Variants in TTN observed in about 807,000 individuals in gnomAD.
TTN encodes connectin.
TTN carries 1,525 observed loss-of-function variants against 3,223.0 expected under a neutral mutation model. The observed-to-expected ratio is 0.47, with a 90% CI of 0.45 to 0.49. TTN has a LOEUF of 0.49. Ranked by LOEUF, TTN falls within the 20% of genes least tolerant of loss-of-function variation. TTN has a pLI of 0.00. For synonymous variants in TTN, 14,094 were observed against 15,161.0 expected (o/e 0.93, Z 5.17); for missense variants, 40,786 against 43,424.0 (o/e 0.94, Z 5.40).
Position 178,624,512 on chromosome 2 carries a change from G to C in TTN, c.44768C>G (p.Thr14923Ser), listed in dbSNP as rs760857643. ...AGTCTTAAAATCCTTAGCATCACAA[G>C]TGTATGTTTTAATATCCTCTGGGGT... is the stretch of plus-strand genomic sequence containing the variant. The part of the protein sequence containing the change: ...DCTPEDIKTY[T>S]CDAKDFKTSC... Residue 14923 changes from threonine (T) to serine (S), a missense_variant, in exon 242 of 363, where the codon ACT (threonine) becomes AGT (serine). Transcript: ENST00000589042. 1.2e-6 allele frequency: 2 copies of C among 1,612,702 alleles called. No individual in the cohort carries two copies. Among genetic ancestry groups the C allele is most frequent in the Non-Finnish European group, 1.7e-6 (2 of 1,179,106 alleles).
Position 178,593,724 on chromosome 2 carries a change from C to A in TTN, c.58576G>T (p.Val19526Phe), listed in dbSNP as rs377682563. ...IIEKKEVGKD[V>F]WMPVTSASAK... ...CTTGCAGATGTCACTGGCATCCAGA[C>A]GTCTTTACCCACTTCCTTCTTCTCA... Residue 19526 changes from valine to phenylalanine, a missense_variant, in exon 298 of 363, where the codon GTC becomes TTC. Val to Phe is a conservative substitution (Grantham distance 50, BLOSUM62 -1). Coordinates refer to ENST00000589042, the MANE Select transcript of TTN (RefSeq NM_001267550.2). The A allele has an allele frequency of 6.2e-7, 1 of 1,613,314 alleles. No homozygotes were observed. Among genetic ancestry groups the A allele is most frequent in the East Asian group, 2.2e-5 (1 of 44,720 alleles).
Position 178,611,963 on chromosome 2 carries a change from A to G in TTN, c.50355-9T>C, listed in dbSNP as rs1377285836. ...TCTTCTCAATGACATATCTATTGAAACAACAAAGCATTTCATTAGCATTAA... is the reference window on the plus strand; with the variant it reads ...TCTTCTCAATGACATATCTATTGAAGCAACAAAGCATTTCATTAGCATTAA... On this transcript the variant is annotated splice_polypyrimidine_tract_variant and intron_variant, in intron 267 of 362. Coordinates refer to ENST00000589042, the MANE Select transcript of TTN (RefSeq NM_001267550.2). 6.2e-7 allele frequency: 1 copy of G among 1,608,384 alleles called. No homozygotes were observed.
intron 55 of TTN, 42 bp from the exon 56 acceptor site, chr2:178,732,760 G>T: frequency 6.4e-7 from 1 of 1,563,440 alleles, no homozygotes; most frequent in African/African-American, 1.4e-5. Flanking sequence ...GAGTTAAGAG[G>T]GTTGATCTAA....
chr2:178,632,425 A>G lies in TTN; in HGVS notation c.43481-12T>C, dbSNP rs746193389. 1.9e-6 allele frequency: 3 copies of G among 1,573,514 alleles called. No individual in the cohort carries two copies. Among genetic ancestry groups the G allele is most frequent in the Non-Finnish European group, 1.7e-6 (2 of 1,165,074 alleles). On this transcript the variant is annotated splice_polypyrimidine_tract_variant and intron_variant, in intron 235 of 362. Transcript: ENST00000589042. ...TTTGAGCCGGATTCCTATCAAGAAA[A>G]AAAAGAAAGAACTTATTAATTGAAG...
In TTN at chr2:178,620,632, T is replaced by C; in HGVS notation, c.45896-7A>G. On this transcript the variant is annotated splice_polypyrimidine_tract_variant and splice_region_variant and intron_variant, in intron 247 of 362. Coordinates refer to ENST00000589042, the MANE Select transcript of TTN (RefSeq NM_001267550.2). ...ACAATCCTAAGGTCTTCCTCTGTTG[T>C]AAAGGAGAAAAATATGTTGATTTTA... 2 of 1,603,204 alleles carry C rather than the reference T, an allele frequency of 1.2e-6. No individual in the cohort carries two copies. The highest frequency in any genetic ancestry group is 1.7e-6 in the Non-Finnish European group (2 of 1,176,968).
chr2:178,773,022 C>T, intron 33 of TTN, 87 bp downstream of exon 33: 2 of 1,574,922 alleles, frequency 1.3e-6, no homozygotes, highest in South Asian at 1.1e-5. Flanking sequence ...AAGTGGGAAA[C>T]TGAAAGGAAT....
rs1001957031 is a variant in TTN, at chr2:178,557,715, C to T, written c.87639G>A (p.Lys29213=). ...TTGEEYQFRI[K]AENRFGISDH... is the part of the protein sequence containing the mutation. The stretch of plus-strand genomic sequence containing the variant: ...CACTGATGCCAAAGCGGTTTTCTGC[C>T]TTGATGCGGAATTGGTATTCTTCTC... Residue 29213 remains lysine, a synonymous_variant, in exon 328 of 363, where the codon AAG becomes AAA. Coordinates refer to ENST00000589042, the MANE Select transcript of TTN (RefSeq NM_001267550.2). 5.6e-6 allele frequency: 9 copies of T among 1,613,924 alleles called. No homozygotes were observed. The highest frequency in any genetic ancestry group is 7.6e-6 in the Non-Finnish European group (9 of 1,179,854).
rs765869562 is a variant in TTN at position 178,608,920 on chromosome 2, G to C, written c.52103-12C>G. 59 of 1,600,778 alleles carry C rather than the reference G, an allele frequency of 3.7e-5. No individual in the cohort carries two copies. Among genetic ancestry groups the C allele is most frequent in the Non-Finnish European group, 4.9e-5 (58 of 1,177,538 alleles). On this transcript the variant is annotated splice_polypyrimidine_tract_variant and intron_variant, in intron 273 of 362. Transcript: ENST00000589042. ...TGGTCCCGGTGTATCTAATATTTCA[G>C]AAGAGAACAGTAATCAAAAATTTGT...
At chr2:178,774,886 T>G (rs1276657656) in intron 29 of TTN, 35 bp downstream of exon 29, 4 of 1,612,468 alleles carry the variant, frequency 2.5e-6, no homozygotes, top group Non-Finnish European at 3.4e-6. Context: ...ACTTTAGAGC[T>G]TAGGTAAACA....
Position 178,554,616 on chromosome 2 carries a change from G to T in TTN, c.88731C>A (p.Ser29577Arg). ...CAGACACCATAGACCACACAACGCGGCTTGTCTCACGCTTTTCCACAATGT... is the reference window on the plus strand; with the variant it reads ...CAGACACCATAGACCACACAACGCGTCTTGTCTCACGCTTTTCCACAATGT... ...THYIVEKRET[S>R]RVVWSMVSEH... Residue 29577 changes from serine to arginine, a missense_variant, in exon 332 of 363, where the codon AGC becomes AGA. Transcript: ENST00000589042. 6.2e-7 allele frequency: 1 copy of T among 1,613,868 alleles called. No homozygotes were observed. Among genetic ancestry groups the T allele is most frequent in the East Asian group, 2.2e-5 (1 of 44,854 alleles).
At position 178,799,836 on chromosome 2, in the gene TTN, G is replaced by A. The variant is rs748313513; in HGVS notation, c.658C>T (p.Arg220Ter). 1.2e-6 allele frequency: 2 copies of A among 1,614,066 alleles called. No homozygotes were observed. Among genetic ancestry groups the A allele is most frequent in the Non-Finnish European group, 1.7e-6 (2 of 1,180,018 alleles). The change falls in exon 5 of 363, where the codon CGA (arginine) becomes TGA (stop). Residue 220 changes from arginine (R) to a stop codon, truncating the protein, a stop_gained. Coordinates refer to ENST00000589042, the MANE Select transcript of TTN (RefSeq NM_001267550.2). LOFTEE classifies it high-confidence loss of function. ...TAQISESRQT[R>*]IEKKIEAHFD... ...GTATAGAAAAATACCTTTTCAATTC[G>A]GGTTTGTCTTGATTCTGAGATCTGA...
In TTN at chr2:178,591,181, G is replaced by A; in HGVS notation, c.60544C>T (p.Leu20182=). The A allele has an allele frequency of 6.2e-7, 1 of 1,613,358 alleles. No individual in the cohort carries two copies. The highest frequency in any genetic ancestry group is 8.5e-7 in the Non-Finnish European group (1 of 1,179,548). ...GTCATGTGTTCAGGAGTAACATCCA[G>A]AATATTAATAGGACCTGTTGGTGGC... ...PGPPTGPINI[L]DVTPEHMTIS... The change falls in exon 304 of 363, where the codon CTG becomes TTG. Residue 20182 remains leucine (L), a synonymous_variant. Transcript: ENST00000589042.
Position 178,793,521 on chromosome 2 carries a change from C to T in TTN, c.1419G>A (p.Lys473=), listed in dbSNP as rs1462188062. 1 of 1,613,842 alleles carries T rather than the reference C, an allele frequency of 6.2e-7. No homozygotes were observed. Among genetic ancestry groups the T allele is most frequent in the Non-Finnish European group, 8.5e-7 (1 of 1,180,016 alleles). Residue 473 remains lysine, a synonymous_variant, in exon 9 of 363, where the codon AAG becomes AAA. Transcript: ENST00000589042. ...AQEQVRKEAE[K]TAVTKVVVAA... is the part of the protein sequence containing the mutation. ...CCACTACTACCTTAGTTACAGCAGT[C>T]TTCTCCGCTTCCTTTCTTACCTGCT...
chr2:178,529,076 C>T lies in TTN; in HGVS notation c.106675G>A (p.Glu35559Lys). The stretch of plus-strand genomic sequence containing the variant: ...GCTTCCTCTTTGAGGGCTAACTTTT[C>T]TTGAGATTTTGCCTCTGACATCTTA... ...EIKMSEAKSQEKLALKEEASK... is the reference protein window; with the variant it reads ...EIKMSEAKSQKKLALKEEASK... The change falls in exon 360 of 363, where the codon GAA becomes AAA. Residue 35559 changes from glutamate (E) to lysine (K), a missense_variant. Glu to Lys is a moderately conservative substitution (Grantham distance 56). Transcript: ENST00000589042. The T allele has an allele frequency of 6.2e-7, 1 of 1,613,336 alleles. No homozygotes were observed. The highest frequency in any genetic ancestry group is 8.5e-7 in the Non-Finnish European group (1 of 1,179,650).
intron 344 of TTN, 98 bp downstream of exon 344, chr2:178,545,286 CCATT>C (rs1301430774): frequency 2.3e-5 from 26 of 1,129,954 alleles, no homozygotes; most frequent in African/African-American, 7.8e-5. Flanking sequence ...CTTTTCTAGA[CCATT>C]CATAAATTCT....
Position 178,608,319 on chromosome 2 carries a change from T to G in TTN, c.52564A>C (p.Ser17522Arg). Residue 17522 changes from serine to arginine, a missense_variant, in exon 275 of 363, where the codon AGC becomes CGC. Transcript: ENST00000589042. ...TTGGCTTTCAAGGCATTCAGAAGGCTTTTGTTGACACGAGACCAATGTGTA... is the reference window on the plus strand; with the variant it reads ...TTGGCTTTCAAGGCATTCAGAAGGCGTTTGTTGACACGAGACCAATGTGTA... The part of the protein sequence containing the change: ...NSTHWSRVNK[S>R]LLNALKANVD... 6.2e-7 allele frequency: 1 copy of G among 1,612,476 alleles called. No individual in the cohort carries two copies. Among genetic ancestry groups the G allele is most frequent in the Non-Finnish European group, 8.5e-7 (1 of 1,179,180 alleles).
intron 109 of TTN, 115 bp from the exon 110 acceptor site, chr2:178,701,702 A>G: frequency 9.8e-7 from 1 of 1,018,072 alleles, no homozygotes; most frequent in Non-Finnish European, 1.5e-6. Context: ...CTAATGGCAG[A>G]ATCTAATATA....
intron 13 of TTN, 100 bp from the exon 14 acceptor site, chr2:178,786,241 G>A (rs1321833538): frequency 4.7e-6 from 6 of 1,264,652 alleles, no homozygotes; most frequent in South Asian, 1.3e-5. Context: ...ACATTATACA[G>A]CAGTGTTAAC....
At position 178,621,736 on chromosome 2, in the gene TTN, C is replaced by G. The variant is rs794729434; in HGVS notation, c.45088G>C (p.Glu15030Gln). 1.1e-5 allele frequency: 17 copies of G among 1,610,606 alleles called. No homozygotes were observed. Among genetic ancestry groups the G allele is most frequent in the Non-Finnish European group, 1.4e-5 (17 of 1,178,562 alleles). Residue 15030 changes from glutamate to glutamine, a missense_variant, in exon 245 of 363, where the codon GAA becomes CAA. Coordinates refer to ENST00000589042, the MANE Select transcript of TTN (RefSeq NM_001267550.2). ...GCAAGATTTTTGGTAAAGACAGCTTCTTCTTCTGCAAGCATTGAAAAAACA... is the reference window on the plus strand; with the variant it reads ...GCAAGATTTTTGGTAAAGACAGCTTGTTCTTCTGCAAGCATTGAAAAAACA... ...TSGMLTVLEE[E>Q]AVFTKNLANI...
Sources: gnomAD v4.1 joint callset for allele counts on GRCh38, gnomAD v4.1.1 for gene constraint, MANE v1.5 for transcripts, NCBI Gene and HGNC (gene_info 2026-07-23, HGNC 2026-07-21) for gene names.